The following BCL2L13 variants were observed in gnomAD, a reference collection of about 807,000 sequenced individuals.
BCL2L13 encodes BCL2 like 13, also known as bcl-2-like protein 13.
A neutral mutation model predicts 25.8 loss-of-function variants in BCL2L13; 13 were observed. The ratio of observed to expected loss-of-function variants is 0.50; its 90% CI spans 0.33 to 0.80. The LOEUF (loss-of-function observed/expected upper bound fraction) is 0.80. Among genes scored for constraint, BCL2L13 ranks in the 30% least tolerant of loss-of-function variants. BCL2L13 has a pLI of 0.02. For synonymous variants in BCL2L13, 244 were observed against 230.3 expected (o/e 1.06, Z -0.54); for missense variants, 504 against 574.9 (o/e 0.88, Z 1.26).
intron 3 of BCL2L13, among the ~76,000 whole-genome samples, chr22:17,685,045 T>A (rs920292870): frequency 2.6e-5 from 4 of 151,650 alleles, no homozygotes; most frequent in Admixed American, 6.6e-5. Context: ...TGTAATTTTT[T>A]GTACGTTTAA....
intron 1 of BCL2L13, among the ~76,000 whole-genome samples, chr22:17,652,625 G>C (rs969267656): frequency 1.3e-5 from 2 of 152,106 alleles, no homozygotes; most frequent in South Asian, 2.1e-4. Context: ...TTTTAGTAGA[G>C]ATGGGGTTTT....
At chr22:17,662,406 A>C (rs2059100763) in intron 2 of BCL2L13, among the ~76,000 whole-genome samples, 1 of 152,182 alleles carries the variant, frequency 6.6e-6, no homozygotes, top group African/African-American at 2.4e-5. Context: ...TGAACCCGGG[A>C]GGCAGAGGTT....
chr22:17,699,847 A>G lies in BCL2L13; in HGVS notation c.457-2396A>G, dbSNP rs564769247. Among the ~76,000 whole-genome samples the G allele has an allele frequency of 7.2e-5, 11 of 152,294 alleles. No homozygotes were observed. The South Asian group carries it at 2.3e-3, about 32-fold the overall frequency. ...CAAGTTGATGGAGGTCAGTTGTAGA[A>G]TTAACTCATGGAGCTTTGTGTGTAG... is the stretch of plus-strand genomic sequence containing the variant. On this transcript the variant is annotated intron_variant, in intron 5 of 6. Transcript: ENST00000317582.
intron 1 of BCL2L13, among the ~76,000 whole-genome samples, chr22:17,640,440 A>G (rs1455697503): frequency 7.2e-5 from 11 of 152,214 alleles, no homozygotes; most frequent in Non-Finnish European, 1.0e-4. Flanking sequence ...GCCTAAGGCT[A>G]TATCTAACCA....
At chr22:17,653,484 C>T (rs2058753088) in intron 1 of BCL2L13, among the ~76,000 whole-genome samples, 1 of 150,868 alleles carries the variant, frequency 6.6e-6, no homozygotes, top group South Asian at 2.1e-4. Flanking sequence ...TTCCTTACCA[C>T]CTCCAGTATG....
chr22:17,638,653 G>T (rs537058014), upstream of BCL2L13: 3 of 1,229,324 alleles, frequency 2.4e-6, no homozygotes, highest in Admixed American at 4.2e-5. Flanking sequence ...GACCTCCGGG[G>T]CCTCCGTTGG....
chr22:17,675,278 C>T (rs992528641), intron 2 of BCL2L13, among the ~76,000 whole-genome samples: 4 of 152,078 alleles, frequency 2.6e-5, no homozygotes, highest in South Asian at 2.1e-4. Context: ...CGGCCAGACG[C>T]GGTGGCTCAC....
rs2061374589 is a variant in BCL2L13, at chr22:17,729,949, C to T, written c.*2415C>T. The T allele has an allele frequency of 6.6e-6, 1 of 152,196 alleles. No individual in the cohort carries two copies. 9.4% of individuals were successfully genotyped at this position (152,196 alleles called of 1,614,324 possible). ...CTGCAGCTCCTGCTTTTTGCTCATA[C>T]ATTTAAAAAACTATTTCTCAAGCTT... On this transcript the variant is annotated 3_prime_UTR_variant, in exon 7 of 7. Coordinates refer to ENST00000317582, the MANE Select transcript of BCL2L13 (RefSeq NM_015367.4).
chr22:17,693,806 G>A (rs368594827), intron 4 of BCL2L13, among the ~76,000 whole-genome samples: 1 of 151,786 alleles, frequency 6.6e-6, no homozygotes, highest in East Asian at 1.9e-4. Context: ...GCGCAGTCTC[G>A]GCTCAACTGC....
rs71315401 is a variant in BCL2L13, at chr22:17,722,378, GGTGTGT to G, written c.601-4262_601-4257del. On this transcript the variant is annotated intron_variant, in intron 6 of 6. Coordinates refer to ENST00000317582, the MANE Select transcript of BCL2L13 (RefSeq NM_015367.4). ...TGAGTTGAGTAGATGAGACTACAGG[GGTGTGT>G]GTGTGTGTGTGTGTGTGTGTGTGTG... is the stretch of plus-strand genomic sequence containing the variant. Among the ~76,000 whole-genome samples the G allele has an allele frequency of 6.1e-4, 75 of 122,136 alleles. No individual in the cohort carries two copies. The South Asian group carries it at 0.014, about 23-fold the overall frequency. 80.1% of individuals were successfully genotyped at this position (122,136 alleles called of 152,430 possible).
At chr22:17,684,497 T>G in intron 3 of BCL2L13, 1 of 440,236 alleles carries the variant, frequency 2.3e-6, no homozygotes, top group South Asian at 1.6e-5. Context: ...CCCACTGATC[T>G]CCATTCTGTT....
intron 6 of BCL2L13, among the ~76,000 whole-genome samples, chr22:17,721,968 T>G (rs2145823988): frequency 6.6e-6 from 1 of 152,314 alleles, no homozygotes; most frequent in Middle Eastern, 3.4e-3. Flanking sequence ...CCAAGAAATT[T>G]TTATGATGCA....
At chr22:17,695,968 CT>C in intron 4 of BCL2L13, 172 bp from the exon 5 acceptor site, 1 of 490,438 alleles carries the variant, frequency 2.0e-6, no homozygotes, top group Non-Finnish European at 3.7e-6. Context: ...TTATAGAATG[CT>C]TGAAAAAAGT....
upstream of BCL2L13, among the ~76,000 whole-genome samples, chr22:17,635,404 C>A (rs1353000455): frequency 4.0e-5 from 6 of 150,910 alleles, no homozygotes; most frequent in Admixed American, 1.3e-4. Context: ...AAAAAAACTC[C>A]AAATACCATA....
At chr22:17,720,406 G>T (rs1007911377) in intron 6 of BCL2L13, among the ~76,000 whole-genome samples, 1 of 151,846 alleles carries the variant, frequency 6.6e-6, no homozygotes, top group Admixed American at 6.6e-5. Context: ...GTCCAGGCCG[G>T]AGTGCACTGG....
At chr22:17,671,197 A>G (rs1178530592) in intron 2 of BCL2L13, among the ~76,000 whole-genome samples, 2 of 152,118 alleles carry the variant, frequency 1.3e-5, no homozygotes, top group African/African-American at 4.8e-5. Flanking sequence ...GATCGAGACC[A>G]TCCTGGCTAA....
intron 1 of BCL2L13, among the ~76,000 whole-genome samples, chr22:17,642,357 C>T (rs1417235831): frequency 3.3e-5 from 5 of 151,940 alleles, no homozygotes; most frequent in Non-Finnish European, 7.4e-5. Context: ...CGGGGTTTTG[C>T]CATGTTGGCT....
At chr22:17,648,077 C>T (rs576239158) in intron 1 of BCL2L13, among the ~76,000 whole-genome samples, 3 of 151,798 alleles carry the variant, frequency 2.0e-5, no homozygotes, top group African/African-American at 4.8e-5. Context: ...TTGCAGTGAG[C>T]CGAGGTCATG....
intron 6 of BCL2L13, among the ~76,000 whole-genome samples, chr22:17,714,484 G>A (rs1348170971): frequency 6.6e-6 from 1 of 152,102 alleles, no homozygotes; most frequent in East Asian, 1.9e-4. Context: ...AAGTAAAGTA[G>A]GACTTAATCA....
Sources: gnomAD v4.1 joint callset for allele counts (sites outside exome capture counted in the v4.1 genomes callset) on GRCh38, gnomAD v4.1.1 for gene constraint, MANE v1.5 for transcripts, NCBI Gene and HGNC (gene_info 2026-07-23, HGNC 2026-07-21) for gene names.